HTR1E: variants seen among roughly 807,000 people sequenced by gnomAD.
HTR1E encodes 5-HT-1E.
A neutral mutation model predicts 3.4 loss-of-function variants in HTR1E; 3 were observed. The observed-to-expected ratio is 0.89, with a 90% confidence interval of 0.41 to 2.31. The LOEUF (loss-of-function observed/expected upper bound fraction) is 2.31. Ranked by LOEUF, HTR1E falls within the 30% of genes most tolerant of loss-of-function variation. The pLI is 0.05. For missense variants in HTR1E, 392 were observed against 467.0 expected (o/e 0.84, Z 1.48); for synonymous variants, 170 against 182.8 (o/e 0.93, Z 0.56).
At chr6:86,959,415 CA>C (rs1179829124) in intron 1 of HTR1E, among the ~76,000 whole-genome samples, 1 of 150,482 alleles carries the variant, frequency 6.6e-6, no homozygotes. Flanking sequence ...CCTGTCTCTA[CA>C]AAAAAAAATG....
At chr6:87,008,340 A>G (rs978368499) in intron 1 of HTR1E, among the ~76,000 whole-genome samples, 4 of 152,226 alleles carry the variant, frequency 2.6e-5, no homozygotes, top group Admixed American at 6.5e-5. Context: ...AAGTAAATTT[A>G]ACAAACAGAA....
intron 1 of HTR1E, among the ~76,000 whole-genome samples, chr6:86,964,554 T>C (rs1767450288): frequency 6.6e-6 from 1 of 152,230 alleles, no homozygotes; most frequent in South Asian, 2.1e-4. Flanking sequence ...TCTGCCTTTA[T>C]ATTTTCTTTC....
intron 1 of HTR1E, among the ~76,000 whole-genome samples, chr6:86,966,706 G>GCTCA (rs1767476284): frequency 6.6e-6 from 1 of 152,144 alleles, no homozygotes; most frequent in African/African-American, 2.4e-5. Flanking sequence ...AAGAGGTGAT[G>GCTCA]CTCAGTCTGA....
rs1056270836 is a variant in HTR1E at position 87,016,330 on chromosome 6, C to T, written c.996C>T (p.Leu332=). ...SSEVADFLTW[L]GYVNSLINPL... is the part of the protein sequence containing the mutation. ...AAGTGGCCGACTTTCTGACGTGGCT[C>T]GGTTATGTGAATTCTCTGATCAACC... Residue 332 remains leucine (L), a synonymous_variant, in exon 2 of 2, where the codon CTC becomes CTT. Transcript: ENST00000305344. 7 of 1,614,016 alleles carry T rather than the reference C, an allele frequency of 4.3e-6. No homozygotes were observed. Among genetic ancestry groups the T allele is most frequent in the Admixed American group, 3.3e-5 (2 of 60,004 alleles).
intron 1 of HTR1E, among the ~76,000 whole-genome samples, chr6:86,955,769 C>T (rs1429872412): frequency 4.0e-5 from 6 of 151,828 alleles, no homozygotes; most frequent in African/African-American, 1.2e-4. Flanking sequence ...CCAAAGGAAA[C>T]GTATTTTAAA....
intron 1 of HTR1E, chr6:86,971,222 A>G: frequency 2.8e-6 from 1 of 360,114 alleles, no homozygotes; most frequent in South Asian, 2.5e-5. Flanking sequence ...TTTATAATCT[A>G]ATCCATTAGT....
chr6:86,960,973 T>C (rs181310693), intron 1 of HTR1E, among the ~76,000 whole-genome samples: 1 of 152,372 alleles, frequency 6.6e-6, no homozygotes, highest in East Asian at 1.9e-4. Flanking sequence ...TGAATACAGA[T>C]TCTGAATTGC....
At chr6:86,948,658 G>A (rs569836461) in intron 1 of HTR1E, among the ~76,000 whole-genome samples, 8 of 152,206 alleles carry the variant, frequency 5.3e-5, no homozygotes, top group Non-Finnish European at 7.4e-5. Flanking sequence ...GGCCCATATC[G>A]TTCAGGTCAC....
chr6:86,941,168 T>C (rs1364586198), intron 1 of HTR1E, among the ~76,000 whole-genome samples: 2 of 152,234 alleles, frequency 1.3e-5, no homozygotes, highest in African/African-American at 4.8e-5. Flanking sequence ...CCAAAGTTCA[T>C]CTTCCTGGTG....
chr6:86,961,725 T>C (rs1487855029), intron 1 of HTR1E, among the ~76,000 whole-genome samples: 1 of 152,268 alleles, frequency 6.6e-6, no homozygotes, highest in African/African-American at 2.4e-5. Flanking sequence ...ATAACCTTTA[T>C]GTTGCTCTTG....
At chr6:86,984,345 T>G (rs898201073) in intron 1 of HTR1E, among the ~76,000 whole-genome samples, 1 of 152,202 alleles carries the variant, frequency 6.6e-6, no homozygotes, top group Non-Finnish European at 1.5e-5. Context: ...TACATAGATT[T>G]AAACTGATCA....
At chr6:87,000,610 G>T (rs895094884) in intron 1 of HTR1E, among the ~76,000 whole-genome samples, 4 of 152,146 alleles carry the variant, frequency 2.6e-5, no homozygotes, top group Admixed American at 1.3e-4. Flanking sequence ...GTAAAATGCT[G>T]AAAGAAAATA....
chr6:86,955,609 G>C (rs1400819403), intron 1 of HTR1E, among the ~76,000 whole-genome samples: 11 of 152,304 alleles, frequency 7.2e-5, no homozygotes, highest in Non-Finnish European at 1.3e-4. Flanking sequence ...GTTGTTTAAA[G>C]CTGCTAAATT....
At chr6:86,993,894 T>A (rs1430019033) in intron 1 of HTR1E, among the ~76,000 whole-genome samples, 1 of 151,852 alleles carries the variant, frequency 6.6e-6, no homozygotes, top group Admixed American at 6.6e-5. Context: ...TGAGCACACT[T>A]GAAACAAATA....
intron 1 of HTR1E, among the ~76,000 whole-genome samples, chr6:86,940,288 C>T (rs1201227995): frequency 6.6e-6 from 1 of 151,988 alleles, no homozygotes; most frequent in East Asian, 1.9e-4. Context: ...GTAATTCCAA[C>T]ACTTTAGGAG....
intron 1 of HTR1E, among the ~76,000 whole-genome samples, chr6:86,999,271 G>GT (rs1205009287): frequency 1.3e-5 from 2 of 151,938 alleles, no homozygotes; most frequent in Admixed American, 6.6e-5. Context: ...CAGTTTTGGG[G>GT]TTTTTTTGTT....
intron 1 of HTR1E, among the ~76,000 whole-genome samples, chr6:86,975,332 C>T (rs1364194018): frequency 1.3e-5 from 2 of 152,200 alleles, no homozygotes; most frequent in Non-Finnish European, 2.9e-5. Context: ...TTAAACACTT[C>T]CATATATGTC....
intron 1 of HTR1E, among the ~76,000 whole-genome samples, chr6:87,003,544 A>C (rs1768055649): frequency 6.6e-6 from 1 of 151,936 alleles, no homozygotes; most frequent in Admixed American, 6.6e-5. Context: ...ATCTCAAAAA[A>C]AAAAAAAGAA....
chr6:86,963,990 G>A (rs1397351129), intron 1 of HTR1E, among the ~76,000 whole-genome samples: 1 of 152,144 alleles, frequency 6.6e-6, no homozygotes, highest in East Asian at 1.9e-4. Context: ...CTTAGGGGTA[G>A]GACAAACAGA....
Sources: allele counts gnomAD v4.1 joint callset (sites outside exome capture counted in the v4.1 genomes callset), GRCh38; gene constraint gnomAD v4.1.1; transcripts MANE v1.5; gene names NCBI Gene and HGNC (gene_info 2026-07-23, HGNC 2026-07-21).